Variants in TMTC2 observed in about 807,000 individuals in gnomAD.
The protein encoded by TMTC2 is transmembrane O-mannosyltransferase targeting cadherins 2, also known as protein O-mannosyl-transferase TMTC2.
A neutral mutation model predicts 82.4 loss-of-function variants in TMTC2; 43 were observed. That is an observed-to-expected ratio of 0.52 (90% CI 0.41 to 0.67). The LOEUF is 0.67. Ranked by LOEUF, TMTC2 falls within the 30% of genes least tolerant of loss-of-function variation. The pLI is 0.00. For missense variants in TMTC2, 919 were observed against 1,012.4 expected, an observed-to-expected ratio of 0.91 and a Z score of 1.25; for synonymous variants, 408 against 381.9, an observed-to-expected ratio of 1.07 and a Z score of -0.80.
chr12:83,017,828 A>G (rs202009894), intron 8 of TMTC2, among the ~76,000 whole-genome samples: 1 of 143,066 alleles, frequency 7.0e-6, no homozygotes, highest in Admixed American at 7.1e-5. Flanking sequence ...AAAAAAAAAA[A>G]CTTATTCAGA....
intron 4 of TMTC2, among the ~76,000 whole-genome samples, chr12:82,934,276 A>T (rs1429712948): frequency 6.6e-6 from 1 of 152,136 alleles, no homozygotes; most frequent in Non-Finnish European, 1.5e-5. Context: ...CATGTGCAAA[A>T]CGTGCAGGTT....
At chr12:82,987,414 C>A (rs1879200119) in intron 8 of TMTC2, among the ~76,000 whole-genome samples, 1 of 65,064 alleles carries the variant, frequency 1.5e-5, no homozygotes. Context: ...ACAGAGACTC[C>A]ATCTCAAAAA....
rs190154225 is a variant in TMTC2 at position 83,100,356 on chromosome 12, A to T, written c.2332-31854A>T. ...AGGGAGGTTGGGCCACTATTTTCAC[A>T]GTTTGTTATTTGTTTGTTTGTGTTT... On this transcript the variant is annotated intron_variant, in intron 11 of 11. Transcript: ENST00000321196. 1.5e-4 allele frequency among the ~76,000 whole-genome samples: 22 copies of T among 150,760 alleles called. 1 individual carries two copies. In the East Asian group the frequency reaches 3.5e-3, roughly 24 times the overall value.
intron 2 of TMTC2, among the ~76,000 whole-genome samples, chr12:82,876,115 G>GTGGTGGTGGTGGTGA (rs1813151859): frequency 6.8e-6 from 1 of 146,716 alleles, no homozygotes; most frequent in African/African-American, 2.6e-5. Flanking sequence ...GGTGGTGGTG[G>GTGGTGGTGGTGGTGA]TGGTGGTATT....
intron 11 of TMTC2, among the ~76,000 whole-genome samples, chr12:83,112,325 C>T (rs1241875248): frequency 6.6e-6 from 1 of 152,174 alleles, no homozygotes; most frequent in Non-Finnish European, 1.5e-5. Flanking sequence ...ATCCCCGCAT[C>T]TCTGCTGGAG....
chr12:82,723,562 T>C (rs1307834189), intron 1 of TMTC2, among the ~76,000 whole-genome samples: 3 of 152,208 alleles, frequency 2.0e-5, no homozygotes, highest in Non-Finnish European at 4.4e-5. Flanking sequence ...CTCATATACA[T>C]AGATTGAAAG....
chr12:82,997,372 ATATATATATGTG>A (rs1879697583), intron 8 of TMTC2, among the ~76,000 whole-genome samples: 1 of 87,176 alleles, frequency 1.1e-5, no homozygotes, highest in African/African-American at 4.4e-5. Context: ...ATATGTGTAT[ATATATATATGTG>A]TATATATATA....
intron 1 of TMTC2, among the ~76,000 whole-genome samples, chr12:82,730,576 T>C (rs1421833146): frequency 6.6e-6 from 1 of 152,218 alleles, no homozygotes; most frequent in Non-Finnish European, 1.5e-5. Context: ...CTTGAATCCA[T>C]GCAGAGATTA....
At chr12:82,960,663 G>A (rs1238441457) in intron 4 of TMTC2, among the ~76,000 whole-genome samples, 1 of 151,864 alleles carries the variant, frequency 6.6e-6, no homozygotes, top group Non-Finnish European at 1.5e-5. Flanking sequence ...GGGAGCAATG[G>A]TTGAAAAATT....
intron 2 of TMTC2, among the ~76,000 whole-genome samples, chr12:82,885,902 A>G (rs1873074336): frequency 6.6e-6 from 1 of 152,162 alleles, no homozygotes; most frequent in African/African-American, 2.4e-5. Context: ...CACAGACCAC[A>G]TCTAAGGAAT....
chr12:82,863,647 A>G (rs1033304020), intron 2 of TMTC2, among the ~76,000 whole-genome samples: 3 of 152,214 alleles, frequency 2.0e-5, no homozygotes, highest in African/African-American at 7.2e-5. Context: ...CAAGTTAAGT[A>G]ATTTAAATTT....
intron 11 of TMTC2, among the ~76,000 whole-genome samples, chr12:83,101,587 T>C (rs79499102): frequency 0.055 from 8,346 of 152,222 alleles, 337 homozygotes; most frequent in East Asian, 0.22. Context: ...TGAAAACTAC[T>C]ACTGTATCAC....
In TMTC2 at chr12:82,917,747, C is replaced by G. The variant is rs375378596; in HGVS notation, c.1484-12684C>G. Among the ~76,000 whole-genome samples the G allele has an allele frequency of 4.9e-4, 74 of 151,816 alleles. No individual in the cohort carries two copies. The South Asian group carries it at 0.015, about 30-fold the overall frequency. ...CTCCCCAGTAGCTGGGACTACAGGC[C>G]CCTGCCACCAGGCCCGGCTAATTTT... On this transcript the variant is annotated intron_variant, in intron 3 of 11. Coordinates refer to ENST00000321196, the MANE Select transcript of TMTC2 (RefSeq NM_152588.3).
At chr12:82,759,319 A>C (rs1876491943) in intron 1 of TMTC2, 1 of 152,218 alleles carries the variant, frequency 6.6e-6, no homozygotes, top group African/African-American at 2.4e-5. Flanking sequence ...TTAATACTTC[A>C]TTACATAAAA....
At chr12:83,117,153 A>T (rs1287976819) in intron 11 of TMTC2, among the ~76,000 whole-genome samples, 1 of 152,148 alleles carries the variant, frequency 6.6e-6, no homozygotes, top group Non-Finnish European at 1.5e-5. Flanking sequence ...GTGGCTAGCC[A>T]ATTATCCCAG....
chr12:82,888,224 G>C (rs1202787361), intron 2 of TMTC2, among the ~76,000 whole-genome samples: 2 of 152,112 alleles, frequency 1.3e-5, no homozygotes, highest in Non-Finnish European at 2.9e-5. Flanking sequence ...TAAATTTTTT[G>C]TTTGTACAGA....
intron 1 of TMTC2, among the ~76,000 whole-genome samples, chr12:82,722,381 C>T (rs1314639908): frequency 2.1e-4 from 28 of 133,810 alleles, no homozygotes; most frequent in African/African-American, 7.2e-4. Flanking sequence ...GGTGAAACCC[C>T]GTCTCTACTA....
At chr12:82,871,654 T>C (rs1267493214) in intron 2 of TMTC2, among the ~76,000 whole-genome samples, 1 of 150,282 alleles carries the variant, frequency 6.7e-6, no homozygotes, top group Non-Finnish European at 1.5e-5. Flanking sequence ...TGACAGAAAG[T>C]AGTGGTGTCT....
intron 8 of TMTC2, among the ~76,000 whole-genome samples, chr12:83,001,644 A>AG (rs997601509): frequency 1.3e-5 from 2 of 151,494 alleles, no homozygotes; most frequent in African/African-American, 4.8e-5. Context: ...TCAAAAAAAA[A>AG]AAAAAAAAAA....
Sources: gnomAD v4.1 joint callset for allele counts (sites outside exome capture counted in the v4.1 genomes callset) on GRCh38, gnomAD v4.1.1 for gene constraint, MANE v1.5 for transcripts, NCBI Gene and HGNC (gene_info 2026-07-23, HGNC 2026-07-21) for gene names.